FMNL1: variants seen among roughly 807,000 people sequenced by gnomAD.
FMNL1 encodes formin-like protein 1.
FMNL1 carries 43 observed loss-of-function variants against 121.3 expected under a neutral mutation model. The ratio of observed to expected loss-of-function variants is 0.35; its 90% CI spans 0.28 to 0.46. FMNL1 has a LOEUF of 0.46. Among genes scored for constraint, FMNL1 ranks in the 20% least tolerant of loss-of-function variants. FMNL1 has a pLI of 1.00. For missense variants in FMNL1, 1,191 were observed against 1,482.4 expected (o/e 0.80, Z 3.23); for synonymous variants, 613 against 613.5 (o/e 1.00, Z 0.01).
intron 1 of FMNL1, among the ~76,000 whole-genome samples, chr17:45,229,425 C>CTGA (rs1567957531): frequency 6.6e-6 from 1 of 152,312 alleles, no homozygotes; most frequent in East Asian, 1.9e-4. Flanking sequence ...TCTGACTGCT[C>CTGA]CAGCTGTGGC....
intron 1 of FMNL1, among the ~76,000 whole-genome samples, chr17:45,226,232 G>A (rs553953313): frequency 4.6e-5 from 7 of 152,344 alleles, no homozygotes; most frequent in African/African-American, 1.7e-4. Flanking sequence ...CCTGGAGGGT[G>A]GGGCAGCGAT....
chr17:45,237,605 A>T lies in FMNL1; in HGVS notation c.860A>T (p.Asp287Val). 1 of 1,614,166 alleles carries T rather than the reference A, an allele frequency of 6.2e-7. No homozygotes were observed. Among genetic ancestry groups the T allele is most frequent in the Admixed American group, 1.7e-5 (1 of 60,020 alleles). ...AAVCLVRGGH[D>V]IILAAFDNFK... is the part of the protein sequence containing the mutation. ...GTGTGCTTGGTGCGGGGAGGACATG[A>T]CATCATCCTTGCAGCCTTTGACAAC... is the stretch of plus-strand genomic sequence containing the variant. Residue 287 changes from aspartate (D) to valine (V), a missense_variant, in exon 9 of 27, where the codon GAC (aspartate) becomes GTC (valine). Asp to Val is a radical substitution (Grantham distance 152). This residue lies in a region of FMNL1 where 253 missense variants were observed against 417.5 expected (regional missense o/e 0.61). Transcript: ENST00000331495. This position sits in a 1 kb window ranked among gnomAD's most constrained non-coding sequence, Gnocchi z 4.4.
At chr17:45,229,300 G>T (rs1468148762) in intron 1 of FMNL1, among the ~76,000 whole-genome samples, 1 of 152,254 alleles carries the variant, frequency 6.6e-6, no homozygotes, top group Non-Finnish European at 1.5e-5. Flanking sequence ...GCTTCCTGTT[G>T]TCTGGGCCTG....
intron 1 of FMNL1, among the ~76,000 whole-genome samples, chr17:45,225,657 G>A (rs192067766): frequency 3.9e-5 from 6 of 152,278 alleles, no homozygotes; most frequent in South Asian, 2.1e-4. Context: ...CTTTTTCCTG[G>A]GAACATGGAG....
rs2043438215 is a variant in FMNL1 at position 45,231,573 on chromosome 17, G to C, written c.214-794G>C. 1 of 152,498 alleles carries C rather than the reference G, an allele frequency of 6.6e-6. No individual in the cohort carries two copies. Among genetic ancestry groups the C allele is most frequent in the Non-Finnish European group, 1.5e-5 (1 of 68,282 alleles). The allele number at this position is 152,498 out of a possible 1,614,324, so 9.4% of individuals were successfully genotyped here. A position where few individuals can be genotyped will look rare whatever the true frequency, so the allele number is the denominator to read the frequency against. Reference sequence around the variant, plus strand: ...GGCTGGAAGAAGTGAAAGTCTGAGGGGTGGCTCGGCGAATCTGAGGGGTTT... The same window carrying C: ...GGCTGGAAGAAGTGAAAGTCTGAGGCGTGGCTCGGCGAATCTGAGGGGTTT... On this transcript the variant is annotated intron_variant, in intron 2 of 26. Transcript: ENST00000331495. The surrounding 1 kb of genome is among the most constrained non-coding windows in gnomAD (Gnocchi z 4.7).
chr17:45,233,528 G>A lies in FMNL1; in HGVS notation c.402-120G>A. ...CACCTGAGTCTCCCAGAATCCTTTG[G>A]TATCATTGGGTCTTTGGGGGTTGAA... On this transcript the variant is annotated intron_variant, in intron 4 of 26. Transcript: ENST00000331495. This position sits in a 1 kb window ranked among gnomAD's most constrained non-coding sequence, Gnocchi z 4.1. 8.5e-7 allele frequency: 1 copy of A among 1,174,118 alleles called. No homozygotes were observed. The highest frequency in any genetic ancestry group is 1.2e-6 in the Non-Finnish European group (1 of 818,954). 72.7% of individuals were successfully genotyped at this position (1,174,118 alleles called of 1,614,324 possible).
chr17:45,241,199 G>A lies in FMNL1; in HGVS notation c.1301G>A (p.Ser434Asn), dbSNP rs118179136. 2.0e-4 allele frequency: 330 copies of A among 1,614,166 alleles called. 3 individuals are homozygous for A. In the East Asian group the frequency reaches 5.1e-3, roughly 25 times the overall value. The change falls in exon 13 of 27, where the codon AGC becomes AAC. Residue 434 changes from serine to asparagine, a missense_variant. Ser to Asn is a conservative substitution (Grantham distance 46). This residue lies in a region of FMNL1 where 519 missense variants were observed against 492.8 expected (regional missense o/e 1.05). Transcript: ENST00000331495. This position sits in a 1 kb window ranked among gnomAD's most constrained non-coding sequence, Gnocchi z 7.0. ...AKIAELEKQL[S>N]QARKELETLR... The stretch of plus-strand genomic sequence containing the variant: ...ATTGCAGAACTGGAAAAACAGCTAA[G>A]CCAGGCGCGCAAGGAGTTGGAGACC...
Position 45,232,387 on chromosome 17 carries a change from T to C in FMNL1, c.234T>C (p.Asn78=), listed in dbSNP as rs1598188646. The part of the protein sequence containing the change: ...ICDQERFQVK[N]PPAAYIQKLK... Reference sequence around the variant, plus strand: ...CCCAGGAGCGGTTTCAAGTCAAGAATCCCCCCGCAGCCTACATCCAGAAGC... The same window carrying C: ...CCCAGGAGCGGTTTCAAGTCAAGAACCCCCCCGCAGCCTACATCCAGAAGC... The change falls in exon 3 of 27, where the codon AAT becomes AAC. Residue 78 remains asparagine, a synonymous_variant. Transcript: ENST00000331495. 1 of 1,613,422 alleles carries C rather than the reference T, an allele frequency of 6.2e-7. No homozygotes were observed. The highest frequency in any genetic ancestry group is 8.5e-7 in the Non-Finnish European group (1 of 1,179,832).
chr17:45,223,053 G>T (rs780302881), intron 1 of FMNL1, among the ~76,000 whole-genome samples: 1 of 152,178 alleles, frequency 6.6e-6, no homozygotes, highest in Non-Finnish European at 1.5e-5. Context: ...AGACTCAGGG[G>T]TCTCCAAGAC....
Position 45,233,373 on chromosome 17 carries a change from C to A in FMNL1, c.401+76C>A. ...CAGGCAGCTCCTGGAGCTTCCCCTT[C>A]CTACTCCCCCTGCCCCCTGCACAAG... is the stretch of plus-strand genomic sequence containing the variant. On this transcript the variant is annotated intron_variant, in intron 4 of 26. Coordinates refer to ENST00000331495, the MANE Select transcript of FMNL1 (RefSeq NM_005892.4). This position sits in a 1 kb window ranked among gnomAD's most constrained non-coding sequence, Gnocchi z 4.1. 1 of 1,427,438 alleles carries A rather than the reference C, an allele frequency of 7.0e-7. No homozygotes were observed. The highest frequency in any genetic ancestry group is 2.1e-5 in the Admixed American group (1 of 48,482). 88.4% of individuals were successfully genotyped at this position (1,427,438 alleles called of 1,614,324 possible).
chr17:45,236,767 C>T (rs1048349566), intron 7 of FMNL1, among the ~76,000 whole-genome samples: 2 of 151,896 alleles, frequency 1.3e-5, no homozygotes, highest in African/African-American at 4.8e-5. Flanking sequence ...TTGAGATCAG[C>T]CTGGGCAACA....
intron 6 of FMNL1, 97 bp from the exon 7 acceptor site, chr17:45,236,039 C>A: frequency 1.0e-6 from 1 of 975,072 alleles, no homozygotes; most frequent in Non-Finnish European, 1.5e-6. Context: ...CCGTCAGGTT[C>A]CAGATGTGCC....
Position 45,242,088 on chromosome 17 carries a change from G to GCCGCCT in FMNL1, c.1830_1835dup (p.Pro611_Pro612dup). 1 of 1,482,204 alleles carries GCCGCCT rather than the reference G, an allele frequency of 6.7e-7. No homozygotes were observed. The highest frequency in any genetic ancestry group is 1.2e-5 in the South Asian group (1 of 82,352). The allele number at this position is 1,482,204 out of a possible 1,614,324, so 91.8% of individuals were successfully genotyped here. A position where few individuals can be genotyped will look rare whatever the true frequency, so the allele number is the denominator to read the frequency against. On this transcript the variant is annotated inframe_insertion, in exon 15 of 27. Transcript: ENST00000331495. ...TGCCTCCGCCGCCGCCGCCGCCGCC[G>GCCGCCT]CCGCCTCCCGGAGGTCCTCCTGATG...
rs377051809 is a variant in FMNL1 at position 45,241,089 on chromosome 17, C to T, written c.1231-40C>T. On this transcript the variant is annotated intron_variant, in intron 12 of 26. Coordinates refer to ENST00000331495, the MANE Select transcript of FMNL1 (RefSeq NM_005892.4). The surrounding 1 kb of genome is among the most constrained non-coding windows in gnomAD (Gnocchi z 7.0). ...GCCCCCTCACCGGCGGTGCCAGTGC[C>T]GGGCTGCGGGTCGGGGCTCACCATG... is the stretch of plus-strand genomic sequence containing the variant. 4.7e-5 allele frequency: 76 copies of T among 1,610,196 alleles called. No homozygotes were observed. In the African/African-American group the frequency reaches 7.6e-4, roughly 16 times the overall value.
At chr17:45,240,359 T>G (rs2043657574) in intron 11 of FMNL1, 117 bp from the exon 12 acceptor site, 2 of 1,062,996 alleles carry the variant, frequency 1.9e-6, no homozygotes, top group East Asian at 2.7e-5. Flanking sequence ...AAAGAAAAAG[T>G]AGGCTAGGGC....
intron 1 of FMNL1, among the ~76,000 whole-genome samples, chr17:45,228,074 G>A (rs2043365421): frequency 6.6e-6 from 1 of 152,060 alleles, no homozygotes; most frequent in Non-Finnish European, 1.5e-5. Flanking sequence ...CTGCTGCCTC[G>A]CTGAAGGCCC....
rs58221219 is a variant in FMNL1, at chr17:45,234,663, CAAAAAAAAA to C, written c.614+479_614+487del. The C allele has an allele frequency of 5.8e-4, 40 of 69,156 alleles. 1 individual carries two copies. In the East Asian group the frequency reaches 9.5e-3, roughly 17 times the overall value. The allele number at this position is 69,156 out of a possible 1,614,324, so 4.3% of individuals were successfully genotyped here. A position where few individuals can be genotyped will look rare whatever the true frequency, so the allele number is the denominator to read the frequency against. On this transcript the variant is annotated intron_variant, in intron 6 of 26. Coordinates refer to ENST00000331495, the MANE Select transcript of FMNL1 (RefSeq NM_005892.4). The stretch of plus-strand genomic sequence containing the variant: ...TGGGTGACAGAGTGAGACCCTGTCT[CAAAAAAAAA>C]AAAAAAAAAAAAAAAGAAAAGAAAA...
chr17:45,236,270 G>C, intron 7 of FMNL1, 26 bp downstream of exon 7: 1 of 1,595,664 alleles, frequency 6.3e-7, no homozygotes, highest in African/African-American at 1.3e-5. Flanking sequence ...TGGGACTGGC[G>C]ACTAGGGAGC....
rs375296898 is a variant in FMNL1, at chr17:45,241,748, AG to A, written c.1586-97del. On this transcript the variant is annotated intron_variant, in intron 14 of 26. Transcript: ENST00000331495. The surrounding 1 kb of genome is among the most constrained non-coding windows in gnomAD (Gnocchi z 7.0). ...GAGGTTTGGATTGTAGGCTCGGCTC[AG>A]GTAGGAGCGCATGCGTAGAGCGGAG... 2.1e-3 allele frequency: 3,049 copies of A among 1,430,114 alleles called. 54 individuals carry two copies. The African/African-American group carries it at 0.039, about 18-fold the overall frequency. 88.6% of individuals were successfully genotyped at this position (1,430,114 alleles called of 1,614,324 possible).
Sources: allele counts gnomAD v4.1 joint callset (sites outside exome capture counted in the v4.1 genomes callset), GRCh38; gene constraint gnomAD v4.1.1; regional missense constraint gnomAD v4.1.1; non-coding constraint Gnocchi (gnomAD v3.1); transcripts MANE v1.5; gene names NCBI Gene and HGNC (gene_info 2026-07-23, HGNC 2026-07-21).